CLK1: variants seen among roughly 807,000 people sequenced by gnomAD.
CLK1 encodes CDC like kinase 1.
A neutral mutation model predicts 60.9 loss-of-function variants in CLK1; 40 were observed. The ratio of observed to expected loss-of-function variants is 0.66; its 90% CI spans 0.51 to 0.86. The LOEUF is 0.86. Ranked by LOEUF, CLK1 falls within the 40% of genes least tolerant of loss-of-function variation. The pLI is 0.00. For missense variants in CLK1, 563 were observed against 606.1 expected, an observed-to-expected ratio of 0.93 and a Z score of 0.75; for synonymous variants, 203 against 184.4, an observed-to-expected ratio of 1.10 and a Z score of -0.82.
At chr2:200,864,215 C>T (rs1211001100) in intron 1 of CLK1, 2 of 1,548,344 alleles carry the variant, frequency 1.3e-6, no homozygotes, top group South Asian at 1.2e-5. Flanking sequence ...CCGGCCTCCG[C>T]CCAGCCGCCA....
At chr2:200,863,681 C>CT (rs1428232866) in intron 1 of CLK1, among the ~76,000 whole-genome samples, 2 of 152,174 alleles carry the variant, frequency 1.3e-5, no homozygotes, top group Non-Finnish European at 2.9e-5. Flanking sequence ...TGGTGAAACT[C>CT]TGTCTCTACT....
At chr2:200,864,439 G>A (rs1205384300) in intron 1 of CLK1, 125 bp downstream of exon 1, 8 of 583,834 alleles carry the variant, frequency 1.4e-5, no homozygotes, top group Admixed American at 8.0e-5. Flanking sequence ...GGAGTGAAGG[G>A]AGCAGGCAGT....
chr2:200,862,129 A>AG (rs1223629533), intron 1 of CLK1, among the ~76,000 whole-genome samples: 2 of 151,254 alleles, frequency 1.3e-5, no homozygotes, highest in Non-Finnish European at 2.9e-5. Flanking sequence ...AAAAAAGTAG[A>AG]GGGAGGAATC....
At chr2:200,861,659 G>C (rs568853584) in intron 2 of CLK1, 43 bp downstream of exon 2, 1 of 1,602,504 alleles carries the variant, frequency 6.2e-7, no homozygotes, top group South Asian at 1.1e-5. Context: ...GTTTTGTCTA[G>C]TAATGTATTG....
In CLK1 at chr2:200,860,198, T is replaced by A; in HGVS notation, c.408A>T (p.Lys136Asn). The change falls in exon 4 of 13, where the codon AAA becomes AAT. Residue 136 changes from lysine to asparagine, a missense_variant. Around this residue, in one of 3 missense-constraint regions of CLK1, gnomAD observed 198 missense variants for 179.2 expected, o/e 1.10. Transcript: ENST00000321356. ...CATCATCCTCTACACTCCTGGTTCT[T>A]TTCCTTCGGTGACTCTTCTGGAAAC... is the stretch of plus-strand genomic sequence containing the variant. Reference protein sequence around the residue: ...RRSHGKSHRRKRTRSVEDDEE... With the variant: ...RRSHGKSHRRNRTRSVEDDEE... 1 of 1,614,116 alleles carries A rather than the reference T, an allele frequency of 6.2e-7. No homozygotes were observed. The highest frequency in any genetic ancestry group is 8.5e-7 in the Non-Finnish European group (1 of 1,180,002).
intron 1 of CLK1, 128 bp from the exon 2 acceptor site, chr2:200,861,990 C>A: frequency 2.9e-6 from 2 of 684,022 alleles, no homozygotes; most frequent in Non-Finnish European, 4.9e-6. Context: ...ATCACCCAAT[C>A]TGAAATCACT....
Position 200,861,831 on chromosome 2 carries a change from T to A in CLK1, c.32A>T (p.Asp11Val). 6.2e-7 allele frequency: 1 copy of A among 1,614,080 alleles called. No homozygotes were observed. The highest frequency in any genetic ancestry group is 8.5e-7 in the Non-Finnish European group (1 of 1,180,004). The change falls in exon 2 of 13, where the codon GAT (aspartate) becomes GTT (valine). Residue 11 changes from aspartate to valine, a missense_variant. Transcript: ENST00000321356. ...ATAATCCCAATCCTTGTCATCCCAA[T>A]CAGGACAGTAAGTTCTCTTTGAGTG... MRHSKRTYCP[D>V]WDDKDWDYGK...
In CLK1 at chr2:200,854,284, T is replaced by C. The variant is rs912093515; in HGVS notation, c.1221-291A>G. The C allele has an allele frequency of 1.1e-4, 38 of 343,186 alleles. 1 individual carries two copies. The highest frequency in any genetic ancestry group is 2.6e-4 in the African/African-American group (12 of 46,104). 21.3% of individuals were successfully genotyped at this position (343,186 alleles called of 1,614,324 possible). A position where few individuals can be genotyped will look rare whatever the true frequency, so the allele number is the denominator to read the frequency against. On this transcript the variant is annotated intron_variant, in intron 11 of 12. Coordinates refer to ENST00000321356, the MANE Select transcript of CLK1 (RefSeq NM_004071.4). Reference sequence around the variant, plus strand: ...GGTGCGGTGGCTCACGCCTGTAATCTCAGCACTTTGGGAGGCCGAGGTGGG... The same window carrying C: ...GGTGCGGTGGCTCACGCCTGTAATCCCAGCACTTTGGGAGGCCGAGGTGGG...
In CLK1 at chr2:200,853,294, C is replaced by CCA. The variant is rs1354679400; in HGVS notation, c.*10_*11dup. 2.5e-6 allele frequency: 4 copies of CCA among 1,590,608 alleles called. No homozygotes were observed. Among genetic ancestry groups the CCA allele is most frequent in the Non-Finnish European group, 3.4e-6 (4 of 1,168,858 alleles). ...TGTAAGATCTCTTCGAGAGAGCTGTCCAATTACAGATCTATATACTTTTCT... is the reference window on the plus strand; with the variant it reads ...TGTAAGATCTCTTCGAGAGAGCTGTCCACAATTACAGATCTATATACTTTTCT... On this transcript the variant is annotated 3_prime_UTR_variant, in exon 13 of 13. Coordinates refer to ENST00000321356, the MANE Select transcript of CLK1 (RefSeq NM_004071.4).
intron 4 of CLK1, 144 bp downstream of exon 4, chr2:200,859,981 C>A (rs1336956662): frequency 8.4e-6 from 12 of 1,433,280 alleles, no homozygotes; most frequent in Non-Finnish European, 1.1e-5. Flanking sequence ...AGCAAAAATA[C>A]AATCCCCCCC....
chr2:200,864,367 G>C (rs2039195402), intron 1 of CLK1, 197 bp downstream of exon 1: 1 of 1,195,046 alleles, frequency 8.4e-7, no homozygotes, highest in Admixed American at 3.4e-5. Flanking sequence ...CCGCAGGCCG[G>C]ATCCGGCGGC....
Position 200,853,939 on chromosome 2 carries a change from G to T in CLK1, c.1275C>A (p.Ala425=), listed in dbSNP as rs775235957. Residue 425 remains alanine, a synonymous_variant, in exon 12 of 13, where the codon GCC becomes GCA. Transcript: ENST00000321356. ...TACAGCGTCTTGAAACATATCTGCCGGCAGAACTGTGTTCATCCCAGTCTA... is the reference window on the plus strand; with the variant it reads ...TACAGCGTCTTGAAACATATCTGCCTGCAGAACTGTGTTCATCCCAGTCTA... The part of the protein sequence containing the change: ...DRLDWDEHSS[A]GRYVSRRCKP... 2.5e-6 allele frequency: 4 copies of T among 1,612,084 alleles called. No homozygotes were observed. Among genetic ancestry groups the T allele is most frequent in the East Asian group, 4.5e-5 (2 of 44,680 alleles).
At position 200,857,802 on chromosome 2, in the gene CLK1, C is replaced by T; in HGVS notation, c.748G>A (p.Asp250Asn). 3 of 1,613,522 alleles carry T rather than the reference C, an allele frequency of 1.9e-6. No homozygotes were observed. Among genetic ancestry groups the T allele is most frequent in the Non-Finnish European group, 2.5e-6 (3 of 1,179,686 alleles). ...VFELLGLSTY[D>N]FIKENGFLPF... The stretch of plus-strand genomic sequence containing the variant: ...AGAAAACCATTTTCTTTAATGAAGT[C>T]GTAAGTACTAAGTCCCAATAGTTCA... Residue 250 changes from aspartate to asparagine, a missense_variant, in exon 7 of 13, where the codon GAC becomes AAC. Physicochemically the swap from Asp to Asn is conservative, Grantham distance 23. Around this residue, in one of 3 missense-constraint regions of CLK1, gnomAD observed 360 missense variants for 407.0 expected, o/e 0.88. Transcript: ENST00000321356.
At chr2:200,863,068 C>T (rs936110798) in intron 1 of CLK1, 2 of 152,230 alleles carry the variant, frequency 1.3e-5, no homozygotes, top group African/African-American at 4.8e-5. Context: ...TTGAAAAAGA[C>T]ATTATACAGA....
At chr2:200,855,437 C>A (rs919956531) in intron 9 of CLK1, among the ~76,000 whole-genome samples, 2 of 151,968 alleles carry the variant, frequency 1.3e-5, no homozygotes, top group Non-Finnish European at 2.9e-5. Context: ...CCTGACTACA[C>A]GGTGAAACTC....
intron 3 of CLK1, 58 bp downstream of exon 3, chr2:200,861,180 A>G (rs1301121506): frequency 6.4e-7 from 1 of 1,560,970 alleles, no homozygotes; most frequent in African/African-American, 1.4e-5. Context: ...CAAAAATTCA[A>G]GTTTCCCTGT....
chr2:200,855,208 G>GCTCA lies in CLK1; in HGVS notation c.1058-126_1058-123dup, dbSNP rs1575075713. The GCTCA allele has an allele frequency of 1.3e-5, 9 of 675,254 alleles. No individual in the cohort carries two copies. In the East Asian group the frequency reaches 2.6e-4, roughly 20 times the overall value. The allele number at this position is 675,254 out of a possible 1,614,324, so 41.8% of individuals were successfully genotyped here. On this transcript the variant is annotated intron_variant, in intron 9 of 12. Coordinates refer to ENST00000321356, the MANE Select transcript of CLK1 (RefSeq NM_004071.4). ...CATGTAATGTAGGCTGGGCACAGTGGCTCACACCTGTAATCCCAGCACTTT... is the reference window on the plus strand; with the variant it reads ...CATGTAATGTAGGCTGGGCACAGTGGCTCACTCACACCTGTAATCCCAGCACTTT...
At chr2:200,855,109 A>C (rs780062775) in intron 9 of CLK1, 23 bp from the exon 10 acceptor site, 2 of 1,552,232 alleles carry the variant, frequency 1.3e-6, no homozygotes, top group South Asian at 2.4e-5. Flanking sequence ...GCAAAATTTA[A>C]GGAAAAAAAA....
At position 200,861,783 on chromosome 2, in the gene CLK1, C is replaced by A. The variant is rs1256532380; in HGVS notation, c.80G>T (p.Ser27Ile). 1 of 1,613,782 alleles carries A rather than the reference C, an allele frequency of 6.2e-7. No homozygotes were observed. The highest frequency in any genetic ancestry group is 1.1e-5 in the South Asian group (1 of 91,080). The change falls in exon 2 of 13, where the codon AGT becomes ATT. Residue 27 changes from serine (S) to isoleucine (I), a missense_variant. Around this residue, in one of 3 missense-constraint regions of CLK1, gnomAD observed 198 missense variants for 179.2 expected, o/e 1.10. Transcript: ENST00000321356. Reference protein sequence around the residue: ...WDYGKWRSSSSHKRRKRSHSS... With the variant: ...WDYGKWRSSSIHKRRKRSHSS... ...ATGTGATCTCTTCCTTCTTTTATGA[C>A]TGCTGCTGCTCCTCCATTTTCCATA...
Sources: gnomAD v4.1 joint callset for allele counts (sites outside exome capture counted in the v4.1 genomes callset) on GRCh38, gnomAD v4.1.1 for gene constraint, gnomAD v4.1.1 regional missense constraint, MANE v1.5 for transcripts, NCBI Gene and HGNC (gene_info 2026-07-23, HGNC 2026-07-21) for gene names.